PPL: variants seen among roughly 807,000 people sequenced by gnomAD.
PPL encodes periplakin, also known as 190 kDa paraneoplastic pemphigus antigen.
PPL carries 198 observed loss-of-function variants against 194.4 expected under a neutral mutation model. That is an observed-to-expected ratio of 1.02 (90% CI 0.91 to 1.15). The LOEUF (loss-of-function observed/expected upper bound fraction) is 1.15, where lower values mean the gene tolerates loss of function less well. PPL is among the 50% of genes most tolerant of loss of function. The pLI, the probability that PPL is intolerant of heterozygous loss-of-function variation, is 0.00. For missense variants in PPL, 2,885 were observed against 2,294.8 expected, an observed-to-expected ratio of 1.26 and a Z score of -5.25; for synonymous variants, 1,220 against 972.4, an observed-to-expected ratio of 1.25 and a Z score of -4.74.
chr16:4,909,951 G>A (rs1454995826), intron 2 of PPL, among the ~76,000 whole-genome samples: 1 of 152,184 alleles, frequency 6.6e-6, no homozygotes, highest in African/African-American at 2.4e-5. Context: ...TCCACCTGCA[G>A]GCCGATGCTG....
At position 4,898,946 on chromosome 16, in the gene PPL, C is replaced by T. The variant is rs1204948675; in HGVS notation, c.876+67G>A. On this transcript the variant is annotated intron_variant, in intron 8 of 21. Coordinates refer to ENST00000345988, the MANE Select transcript of PPL (RefSeq NM_002705.5). The stretch of plus-strand genomic sequence containing the variant: ...CTCCGGGGTCTGCCCGAGCTCCAGG[C>T]GGCCCACAGGCAGCGGCCAACCAGA... 1.3e-5 allele frequency: 17 copies of T among 1,316,650 alleles called. No individual in the cohort carries two copies. In the East Asian group the frequency reaches 2.5e-4, roughly 20 times the overall value. The allele number at this position is 1,316,650 out of a possible 1,614,324, so 81.6% of individuals were successfully genotyped here. A position where few individuals can be genotyped will look rare whatever the true frequency, so the allele number is the denominator to read the frequency against.
In PPL at chr16:4,895,374, C is replaced by A; in HGVS notation, c.1129G>T (p.Val377Leu). 6.2e-7 allele frequency: 1 copy of A among 1,613,434 alleles called. No individual in the cohort carries two copies. The highest frequency in any genetic ancestry group is 8.5e-7 in the Non-Finnish European group (1 of 1,179,982). Residue 377 changes from valine to leucine, a missense_variant, in exon 11 of 22, where the codon GTG becomes TTG. Val to Leu is a conservative substitution (Grantham distance 32, BLOSUM62 1). Coordinates refer to ENST00000345988, the MANE Select transcript of PPL (RefSeq NM_002705.5). ...CCTCGCTTCTGCAGCCCCTGCACCA[C>A]GTCCTCATACTTGTCCAGCACCTTC... The part of the protein sequence containing the change: ...QEKVLDKYED[V>L]VQGLQKRGQQ...
chr16:4,908,443 T>TCA (rs201414349), intron 2 of PPL, among the ~76,000 whole-genome samples: 2,249 of 135,304 alleles, frequency 0.017, 62 homozygotes, highest in African/African-American at 0.058. Context: ...TCTCTCTCTC[T>TCA]CTCACACACA....
chr16:4,904,090 A>C (rs1427593486), intron 2 of PPL, 50 bp from the exon 3 acceptor site: 23 of 1,572,850 alleles, frequency 1.5e-5, no homozygotes, highest in Non-Finnish European at 2.0e-5. Context: ...GAGAGCGGGC[A>C]CGGTGGCAAT....
Position 4,915,474 on chromosome 16 carries a change from T to C in PPL, c.63-4525A>G, listed in dbSNP as rs61014854. Among the ~76,000 whole-genome samples, 999 of 152,316 alleles carry C rather than the reference T, an allele frequency of 6.6e-3. 5 individuals are homozygous for C. The highest frequency in any genetic ancestry group is 0.023 in the African/African-American group (939 of 41,558). ...GACATATTCACAGGCACCAGCTCAA[T>C]ATCATCCTTGCCCTAAGTCCCCGGG... is the stretch of plus-strand genomic sequence containing the variant. On this transcript the variant is annotated intron_variant, in intron 1 of 21. Coordinates refer to ENST00000345988, the MANE Select transcript of PPL (RefSeq NM_002705.5).
At chr16:4,900,679 C>G (rs1255101613) in intron 6 of PPL, 151 bp downstream of exon 6, 14 of 1,041,604 alleles carry the variant, frequency 1.3e-5, no homozygotes, top group African/African-American at 7.9e-5. Context: ...CTCAAGTGAT[C>G]CTCCTGCCTC....
chr16:4,903,594 C>A (rs763160646), intron 3 of PPL, among the ~76,000 whole-genome samples: 2 of 152,044 alleles, frequency 1.3e-5, no homozygotes, highest in South Asian at 4.2e-4. Flanking sequence ...GTGGTGCATG[C>A]CTGTAATTCC....
At chr16:4,912,333 C>A (rs751923213) in intron 1 of PPL, among the ~76,000 whole-genome samples, 2 of 152,244 alleles carry the variant, frequency 1.3e-5, no homozygotes, top group Non-Finnish European at 2.9e-5. Flanking sequence ...TGCCTTCTCT[C>A]AGCATAATGT....
At chr16:4,927,680 G>A (rs1268775036) in intron 1 of PPL, among the ~76,000 whole-genome samples, 2 of 152,224 alleles carry the variant, frequency 1.3e-5, no homozygotes, top group African/African-American at 2.4e-5. Flanking sequence ...CTCACACCCA[G>A]CTATTAATCC....
rs370052235 is a variant in PPL at position 4,888,179 on chromosome 16, C to G, written c.2437G>C (p.Asp813His). Residue 813 changes from aspartate (D) to histidine (H), a missense_variant, in exon 20 of 22, where the codon GAC becomes CAC. By Grantham distance (81) the Asp-to-His change is moderately conservative. Coordinates refer to ENST00000345988, the MANE Select transcript of PPL (RefSeq NM_002705.5). ...TGGCTTCTCCTTCCATTCTCCAAGT[C>G]GAGAAGAGACCTTAGTTTTTCTGCT... ...LEAEKLRSLL[D>H]LENGRRSHVS... 1.9e-6 allele frequency: 3 copies of G among 1,613,646 alleles called. No homozygotes were observed. The highest frequency in any genetic ancestry group is 2.5e-6 in the Non-Finnish European group (3 of 1,179,612).
In PPL at chr16:4,927,844, C is replaced by T. The variant is rs2089178957; in HGVS notation, c.62+9140G>A. ...GTGTCAGGTGAGTGCTTTTGGGCTC[C>T]TTTTACAAACATACAGAAGTTCAAG... is the stretch of plus-strand genomic sequence containing the variant. On this transcript the variant is annotated intron_variant, in intron 1 of 21. Transcript: ENST00000345988. Among the ~76,000 whole-genome samples the T allele has an allele frequency of 1.3e-5, 2 of 152,210 alleles. 1 individual carries two copies. The highest frequency in any genetic ancestry group is 4.1e-4 in the South Asian group (2 of 4,828).
Position 4,937,103 on chromosome 16 carries a change from G to A in PPL, c.-58C>T, listed in dbSNP as rs147950365. The A allele has an allele frequency of 3.5e-5, 41 of 1,155,314 alleles. No individual in the cohort carries two copies. The highest frequency in any genetic ancestry group is 4.2e-5 in the East Asian group (1 of 23,712). The allele number at this position is 1,155,314 out of a possible 1,614,324, so 71.6% of individuals were successfully genotyped here. The stretch of plus-strand genomic sequence containing the variant: ...GCGGGCCGGGCGCGCACCGAGGGGC[G>A]GGCGGGAGCGCAGGTGAGCGAGCGG... On this transcript the variant is annotated 5_prime_UTR_variant, in exon 1 of 22. Coordinates refer to ENST00000345988, the MANE Select transcript of PPL (RefSeq NM_002705.5).
At chr16:4,895,748 G>A in intron 9 of PPL, 32 bp from the exon 10 acceptor site, 3 of 1,613,278 alleles carry the variant, frequency 1.9e-6, no homozygotes, top group Middle Eastern at 1.7e-4. Context: ...TTACAGCCAG[G>A]AAACCACTAG....
At chr16:4,933,227 G>C (rs1283232774) in intron 1 of PPL, among the ~76,000 whole-genome samples, 1 of 152,058 alleles carries the variant, frequency 6.6e-6, no homozygotes, top group African/African-American at 2.4e-5. Context: ...CCTCCCAGTA[G>C]AGCATGCTTC....
rs773219582 is a variant in PPL at position 4,890,241 on chromosome 16, G to C, written c.2256C>G (p.Tyr752Ter). 15 of 1,614,060 alleles carry C rather than the reference G, an allele frequency of 9.3e-6. No individual in the cohort carries two copies. Among genetic ancestry groups the C allele is most frequent in the African/African-American group, 2.7e-5 (2 of 74,930 alleles). ...TGAGGCTGTCTGTCTCCTGGGGCTCGTAACTGGGGATGCTGACTAGGAACT... is the reference window on the plus strand; with the variant it reads ...TGAGGCTGTCTGTCTCCTGGGGCTCCTAACTGGGGATGCTGACTAGGAACT... ...VLQFLVSIPS[Y>*]EPQETDSLSQ... is the part of the protein sequence containing the mutation. Residue 752 changes from tyrosine (Y) to a stop codon, truncating the protein, a stop_gained, in exon 18 of 22, where the codon TAC becomes TAG. Transcript: ENST00000345988. LOFTEE classifies it high-confidence loss of function.
chr16:4,902,556 G>C lies in PPL; in HGVS notation c.318-30C>G. 1 of 1,607,186 alleles carries C rather than the reference G, an allele frequency of 6.2e-7. No individual in the cohort carries two copies. The highest frequency in any genetic ancestry group is 2.2e-5 in the East Asian group (1 of 44,634). ...TGGGAGAGAGGCTCCCACTTAGTGG[G>C]GCTGGTTGGCACTGCCTGCACCCCA... On this transcript the variant is annotated intron_variant, in intron 3 of 21. Coordinates refer to ENST00000345988, the MANE Select transcript of PPL (RefSeq NM_002705.5). This position sits in a 1 kb window ranked among gnomAD's most constrained non-coding sequence, Gnocchi z 4.0.
rs12921187 is a variant in PPL, at chr16:4,893,018, T to A, written c.1650+195A>T. 1.5e-5 allele frequency: 9 copies of A among 620,018 alleles called. No homozygotes were observed. In the Admixed American group the frequency reaches 1.8e-4, roughly 12 times the overall value. 38.4% of individuals were successfully genotyped at this position (620,018 alleles called of 1,614,324 possible). On this transcript the variant is annotated intron_variant, in intron 14 of 21. Transcript: ENST00000345988. ...GGAACAATGCAAGTCCTGCCAGCTC[T>A]TTCTCCTGGGGAGGTAATGACAGCA...
chr16:4,897,142 C>T (rs2088446098), intron 9 of PPL, among the ~76,000 whole-genome samples: 2 of 151,452 alleles, frequency 1.3e-5, no homozygotes, highest in South Asian at 4.2e-4. Flanking sequence ...CGAGACCAGC[C>T]TGACCAACAT....
chr16:4,891,831 T>C lies in PPL; in HGVS notation c.1948A>G (p.Ser650Gly). Residue 650 changes from serine to glycine, a missense_variant, in exon 16 of 22, where the codon AGC (serine) becomes GGC (glycine). By Grantham distance (56) the Ser-to-Gly change is moderately conservative. Transcript: ENST00000345988. Reference protein sequence around the residue: ...TVPESSRVLDSKGQELAAMAC... With the variant: ...TVPESSRVLDGKGQELAAMAC... ...CTCACCGCCAGCTCCTGCCCCTTGC[T>C]GTCCAGGACACGGCTGCTCTCAGGC... 1 of 1,612,606 alleles carries C rather than the reference T, an allele frequency of 6.2e-7. No individual in the cohort carries two copies. The highest frequency in any genetic ancestry group is 8.5e-7 in the Non-Finnish European group (1 of 1,179,636).
Sources: allele counts gnomAD v4.1 joint callset (sites outside exome capture counted in the v4.1 genomes callset), GRCh38; gene constraint gnomAD v4.1.1; non-coding constraint Gnocchi (gnomAD v3.1); transcripts MANE v1.5; gene names NCBI Gene and HGNC (gene_info 2026-07-23, HGNC 2026-07-21).